Variants in ANKS1B observed in about 807,000 individuals in gnomAD.
The protein encoded by ANKS1B is ankyrin repeat and sterile alpha motif domain containing 1B, also known as ankyrin repeat and sterile alpha motif domain-containing protein 1B.
Under a neutral mutation model 148.3 loss-of-function variants are expected in ANKS1B, and 36 were observed. The ratio of observed to expected loss-of-function variants is 0.24; its 90% CI spans 0.19 to 0.32. The LOEUF is 0.32. Among genes scored for constraint, ANKS1B ranks in the 10% least tolerant of loss-of-function variants. ANKS1B has a pLI of 1.00. For missense variants in ANKS1B, 1,157 were observed against 1,542.6 expected (o/e 0.75, Z 4.19); for synonymous variants, 542 against 560.8 (o/e 0.97, Z 0.47).
At chr12:99,664,416 TAGAA>T (rs1412231215) in intron 8 of ANKS1B, among the ~76,000 whole-genome samples, 1 of 151,818 alleles carries the variant, frequency 6.6e-6, no homozygotes. Flanking sequence ...TAATGCAAAA[TAGAA>T]AGAAAACAAA....
chr12:99,597,315 A>C (rs1194152559), intron 9 of ANKS1B, among the ~76,000 whole-genome samples: 1 of 151,850 alleles, frequency 6.6e-6, no homozygotes, highest in African/African-American at 2.4e-5. Context: ...ATGTACACAC[A>C]CTGTTATACC....
At position 98,744,182 on chromosome 12, in the gene ANKS1B, A is replaced by G. The variant is rs999556110; in HGVS notation, c.*1557T>C. The G allele has an allele frequency of 4.2e-5, 41 of 983,306 alleles. No individual in the cohort carries two copies. The highest frequency in any genetic ancestry group is 2.8e-4 in the South Asian group (6 of 21,244). 60.9% of individuals were successfully genotyped at this position (983,306 alleles called of 1,614,324 possible). A position where few individuals can be genotyped will look rare whatever the true frequency, so the allele number is the denominator to read the frequency against. ...ACTCTCATTTTGCTACATACATATC[A>G]ACAGTGAATAGGCAAAATATATACA... is the stretch of plus-strand genomic sequence containing the variant. On this transcript the variant is annotated 3_prime_UTR_variant, in exon 27 of 27. Transcript: ENST00000683438.
chr12:99,499,193 A>G (rs1300934995), intron 10 of ANKS1B, among the ~76,000 whole-genome samples: 2 of 152,114 alleles, frequency 1.3e-5, no homozygotes, highest in Admixed American at 1.3e-4. Flanking sequence ...TATTCATCCC[A>G]ATTCTAATCA....
intron 17 of ANKS1B, among the ~76,000 whole-genome samples, chr12:99,051,429 A>G (rs1363265170): frequency 3.9e-5 from 6 of 152,172 alleles, no homozygotes; most frequent in African/African-American, 1.2e-4. Context: ...ACATAGGGAT[A>G]TTTTTCAAGC....
chr12:99,850,436 G>C (rs1480979072), intron 1 of ANKS1B, among the ~76,000 whole-genome samples: 1 of 151,424 alleles, frequency 6.6e-6, no homozygotes, highest in East Asian at 1.9e-4. Flanking sequence ...TAATCTCTTA[G>C]TAACTTGAAA....
intron 12 of ANKS1B, among the ~76,000 whole-genome samples, chr12:99,359,781 T>G (rs1371995430): frequency 1.3e-5 from 2 of 152,284 alleles, no homozygotes; most frequent in Admixed American, 6.5e-5. Flanking sequence ...CTTTATATAT[T>G]TATTTCAGGC....
At chr12:99,718,027 C>T (rs2057599588) in intron 8 of ANKS1B, among the ~76,000 whole-genome samples, 2 of 151,214 alleles carry the variant, frequency 1.3e-5, no homozygotes, top group Admixed American at 1.3e-4. Context: ...CCTCAGCCTC[C>T]CGAGTAGCTG....
chr12:99,522,260 T>C (rs1026881173), intron 9 of ANKS1B, among the ~76,000 whole-genome samples: 1 of 152,206 alleles, frequency 6.6e-6, no homozygotes, highest in Admixed American at 6.5e-5. Flanking sequence ...GTCCAGTCCC[T>C]GAATCCCAAA....
chr12:99,548,950 C>G (rs1418262503), intron 9 of ANKS1B, among the ~76,000 whole-genome samples: 3 of 151,796 alleles, frequency 2.0e-5, no homozygotes, highest in African/African-American at 7.3e-5. Context: ...ATAATTACAA[C>G]TATGATTAAT....
intron 16 of ANKS1B, among the ~76,000 whole-genome samples, chr12:99,055,424 T>C (rs1215606112): frequency 6.6e-6 from 1 of 152,138 alleles, no homozygotes; most frequent in Admixed American, 6.5e-5. Context: ...ATGACTGGAT[T>C]TGGGTCAAAG....
chr12:99,814,226 C>T (rs143226772), intron 2 of ANKS1B, among the ~76,000 whole-genome samples: 16 of 151,570 alleles, frequency 1.1e-4, no homozygotes, highest in African/African-American at 3.6e-4. Flanking sequence ...AGAATGTATC[C>T]CTGTCATTAA....
At chr12:98,997,974 CT>C (rs1419263057) in intron 17 of ANKS1B, among the ~76,000 whole-genome samples, 10 of 152,152 alleles carry the variant, frequency 6.6e-5, no homozygotes, top group African/African-American at 2.4e-4. Context: ...TTAATTACCC[CT>C]GATAATGTTC....
intron 9 of ANKS1B, among the ~76,000 whole-genome samples, chr12:99,514,187 T>C (rs1292413021): frequency 1.3e-5 from 2 of 151,954 alleles, no homozygotes; most frequent in Non-Finnish European, 2.9e-5. Flanking sequence ...CTAGCAAAAT[T>C]CCATGTTCAT....
rs1314198124 is a variant in ANKS1B at position 99,764,205 on chromosome 12, C to A, written c.1128+8717G>T. Among the ~76,000 whole-genome samples the A allele has an allele frequency of 3.3e-5, 5 of 152,270 alleles. No homozygotes were observed. The South Asian group carries it at 1.0e-3, about 32-fold the overall frequency. Reference sequence around the variant, plus strand: ...CTAAGGACAAATACATGCACACACACAGATTAATATTTTCCCTGTCTTCAA... The same window carrying A: ...CTAAGGACAAATACATGCACACACAAAGATTAATATTTTCCCTGTCTTCAA... On this transcript the variant is annotated intron_variant, in intron 8 of 26. Transcript: ENST00000683438.
intron 15 of ANKS1B, among the ~76,000 whole-genome samples, chr12:99,137,577 C>T (rs369017113): frequency 3.2e-4 from 49 of 152,260 alleles, no homozygotes; most frequent in East Asian, 2.1e-3. Context: ...TCTGAGTTGG[C>T]GCAGAATAAA....
intron 16 of ANKS1B, among the ~76,000 whole-genome samples, chr12:99,063,376 A>G (rs1429475192): frequency 6.6e-6 from 1 of 152,252 alleles, no homozygotes; most frequent in African/African-American, 2.4e-5. Context: ...GCTAGCAGAC[A>G]GTGTGCTGCC....
intron 10 of ANKS1B, among the ~76,000 whole-genome samples, chr12:99,467,543 C>T (rs12230337): frequency 3.9e-4 from 59 of 152,238 alleles, no homozygotes; most frequent in East Asian, 1.5e-3. Context: ...GAAAACCCCA[C>T]TGTCTCAGCC....
At chr12:99,718,136 G>A (rs1327426129) in intron 8 of ANKS1B, among the ~76,000 whole-genome samples, 2 of 151,900 alleles carry the variant, frequency 1.3e-5, no homozygotes, top group Non-Finnish European at 1.5e-5. Context: ...ATCTGACCTC[G>A]TGATCCGCCC....
At chr12:98,803,502 A>C (rs1445685531) in intron 20 of ANKS1B, among the ~76,000 whole-genome samples, 1 of 152,232 alleles carries the variant, frequency 6.6e-6, no homozygotes, top group Non-Finnish European at 1.5e-5. Context: ...ATGATACAAA[A>C]GGAGGATCTG....
Sources: gnomAD v4.1 joint callset for allele counts (sites outside exome capture counted in the v4.1 genomes callset) on GRCh38, gnomAD v4.1.1 for gene constraint, MANE v1.5 for transcripts, NCBI Gene and HGNC (gene_info 2026-07-23, HGNC 2026-07-21) for gene names.